Variants in PLEKHG2 observed in about 807,000 individuals in gnomAD.
PLEKHG2 encodes pleckstrin homology domain-containing family G member 2.
A neutral mutation model predicts 104.4 loss-of-function variants in PLEKHG2; 71 were observed. The observed-to-expected ratio is 0.68, with a 90% CI of 0.56 to 0.83. The LOEUF is 0.83. Among genes scored for constraint, PLEKHG2 ranks in the 40% least tolerant of loss-of-function variants. PLEKHG2 has a pLI of 0.00. For synonymous variants in PLEKHG2, 728 were observed against 737.0 expected (o/e 0.99, Z 0.20); for missense variants, 1,730 against 1,809.4 (o/e 0.96, Z 0.80).
intron 11 of PLEKHG2, among the ~76,000 whole-genome samples, chr19:39,420,420 G>A (rs2078680570): frequency 6.6e-6 from 1 of 152,108 alleles, no homozygotes; most frequent in Non-Finnish European, 1.5e-5. Flanking sequence ...AGCTACTCAG[G>A]AGGGTGAGGT....
chr19:39,416,018 AG>A lies in PLEKHG2; in HGVS notation c.480-329del, dbSNP rs1460384340. Among the ~76,000 whole-genome samples the A allele has an allele frequency of 6.6e-6, 1 of 152,080 alleles. No individual in the cohort carries two copies. Among genetic ancestry groups the A allele is most frequent in the Non-Finnish European group, 1.5e-5 (1 of 68,002 alleles). The stretch of plus-strand genomic sequence containing the variant: ...GGGTCCAAGGATCATGACATTTCCA[AG>A]TACCTTGACGAGGTCTCGGGATTAC... On this transcript the variant is annotated intron_variant, in intron 4 of 18. Coordinates refer to ENST00000425673, the MANE Select transcript of PLEKHG2 (RefSeq NM_022835.3). The surrounding 1 kb of genome is among the most constrained non-coding windows in gnomAD (Gnocchi z 4.5).
Position 39,416,812 on chromosome 19 carries a change from G to C in PLEKHG2, c.594-38G>C, listed in dbSNP as rs534173555. 6.4e-7 allele frequency: 1 copy of C among 1,561,462 alleles called. No homozygotes were observed. The highest frequency in any genetic ancestry group is 2.3e-5 in the East Asian group (1 of 44,376). On this transcript the variant is annotated intron_variant, in intron 6 of 18. Coordinates refer to ENST00000425673, the MANE Select transcript of PLEKHG2 (RefSeq NM_022835.3). This position sits in a 1 kb window ranked among gnomAD's most constrained non-coding sequence, Gnocchi z 4.5. ...TAACCCCTCTTGACCCCGCCCACTG[G>C]AACTGACAATCCCCACTGACCTGTG...
chr19:39,422,544 ATT>A (rs372412945), intron 17 of PLEKHG2, among the ~76,000 whole-genome samples, 186 bp from the exon 18 acceptor site: 11 of 140,610 alleles, frequency 7.8e-5, no homozygotes, highest in Non-Finnish European at 6.3e-5. Flanking sequence ...CACCCGGCTA[ATT>A]TTTTTTTTTT....
intron 11 of PLEKHG2, among the ~76,000 whole-genome samples, chr19:39,420,314 G>A (rs932158329): frequency 3.3e-5 from 5 of 151,046 alleles, no homozygotes; most frequent in African/African-American, 4.9e-5. Flanking sequence ...AGCCGAAATC[G>A]CGCCTTTGCA....
At chr19:39,419,879 CAA>C (rs993515390) in intron 11 of PLEKHG2, among the ~76,000 whole-genome samples, 4 of 100,184 alleles carry the variant, frequency 4.0e-5, no homozygotes, top group East Asian at 2.8e-4. Flanking sequence ...GCCTCTGTCT[CAA>C]AAAAAAAAAA....
Position 39,417,885 on chromosome 19 carries a change from A to ACC in PLEKHG2, c.883-19_883-18dup. The ACC allele has an allele frequency of 6.5e-7, 1 of 1,532,040 alleles. No homozygotes were observed. Among genetic ancestry groups the ACC allele is most frequent in the African/African-American group, 1.4e-5 (1 of 72,904 alleles). The allele number at this position is 1,532,040 out of a possible 1,614,324, so 94.9% of individuals were successfully genotyped here. On this transcript the variant is annotated intron_variant, in intron 8 of 18. Transcript: ENST00000425673. ...CATGCTTGTCTCTGCGCCCCGGCGC[A>ACC]CCTGGCGGGGTCCCGGCAGGAAGTG...
rs2078609230 is a variant in PLEKHG2, at chr19:39,416,623, C to T, written c.593+26C>T. ...GTGAGGGGCAGGAGCCCCTGCTGGG[C>T]CTCAGGCTGTGCCCACAAGCTGATG... On this transcript the variant is annotated intron_variant, in intron 6 of 18. Transcript: ENST00000425673. This position sits in a 1 kb window ranked among gnomAD's most constrained non-coding sequence, Gnocchi z 4.5. The T allele has an allele frequency of 1.9e-6, 3 of 1,612,740 alleles. No homozygotes were observed. Among genetic ancestry groups the T allele is most frequent in the African/African-American group, 1.3e-5 (1 of 74,844 alleles).
At chr19:39,420,922 A>G in intron 13 of PLEKHG2, 27 bp from the exon 14 acceptor site, 2 of 1,614,004 alleles carry the variant, frequency 1.2e-6, no homozygotes, top group Non-Finnish European at 1.7e-6. Context: ...CTGGGCTCAC[A>G]CAGGGCTCTG....
chr19:39,415,004 C>T lies in PLEKHG2; in HGVS notation c.122C>T (p.Pro41Leu), dbSNP rs776190040. ...VCETRTAPAA[P>L]TMASPRGSGS... is the part of the protein sequence containing the mutation. ...CACACCCCAGCAGCTCCTGCAGCCC[C>T]CACCATGGCCTCCCCCCGAGGTTCT... is the stretch of plus-strand genomic sequence containing the variant. The change falls in exon 3 of 19, where the codon CCC (proline) becomes CTC (leucine). Residue 41 changes from proline to leucine, a missense_variant. Coordinates refer to ENST00000425673, the MANE Select transcript of PLEKHG2 (RefSeq NM_022835.3). This position sits in a 1 kb window ranked among gnomAD's most constrained non-coding sequence, Gnocchi z 4.6. The T allele has an allele frequency of 1.3e-4, 213 of 1,596,314 alleles. No individual in the cohort carries two copies. The highest frequency in any genetic ancestry group is 1.8e-4 in the Non-Finnish European group (211 of 1,169,554).
intron 2 of PLEKHG2, 24 bp downstream of exon 2, chr19:39,414,219 G>A: frequency 3.9e-6 from 6 of 1,546,346 alleles, no homozygotes; most frequent in South Asian, 1.2e-5. Context: ...CAGGGGCGGC[G>A]GAGCCTGTGG....
At chr19:39,418,887 C>T (rs752465432) in intron 10 of PLEKHG2, 30 bp from the exon 11 acceptor site, 1 of 1,597,308 alleles carries the variant, frequency 6.3e-7, no homozygotes, top group Non-Finnish European at 8.6e-7. Flanking sequence ...TCACACCTGG[C>T]CCCCTGACTC....
rs2078770406 is a variant in PLEKHG2 at position 39,425,411 on chromosome 19, ACTC to A, written c.*120_*122del. 1 of 1,432,970 alleles carries A rather than the reference ACTC, an allele frequency of 7.0e-7. No individual in the cohort carries two copies. Among genetic ancestry groups the A allele is most frequent in the East Asian group, 2.5e-5 (1 of 39,430 alleles). 88.8% of individuals were successfully genotyped at this position (1,432,970 alleles called of 1,614,324 possible). ...GCCTCAAAACTGCTGCGGCCTTCCA[ACTC>A]CTGGTATCTGCATCGGCGAATGGCC... On this transcript the variant is annotated 3_prime_UTR_variant, in exon 19 of 19. Coordinates refer to ENST00000425673, the MANE Select transcript of PLEKHG2 (RefSeq NM_022835.3).
rs1431785953 is a variant in PLEKHG2, at chr19:39,424,539, C to T, written c.3406C>T (p.Pro1136Ser). The change falls in exon 19 of 19, where the codon CCA becomes TCA. Residue 1136 changes from proline (P) to serine (S), a missense_variant. By Grantham distance (74) the Pro-to-Ser change is moderately conservative. Coordinates refer to ENST00000425673, the MANE Select transcript of PLEKHG2 (RefSeq NM_022835.3). ...NAPLSLSQELPDTQVPATTPL... is the reference protein window; with the variant it reads ...NAPLSLSQELSDTQVPATTPL... ...CCCACTGTCTTTGTCCCAGGAGCTC[C>T]CAGACACTCAGGTTCCAGCTACCAC... The T allele has an allele frequency of 6.2e-7, 1 of 1,614,140 alleles. No individual in the cohort carries two copies. The highest frequency in any genetic ancestry group is 1.7e-5 in the Admixed American group (1 of 60,014).
rs2078633714 is a variant in PLEKHG2, at chr19:39,417,910, G to C, written c.888G>C (p.Val296=). The C allele has an allele frequency of 1.9e-6, 3 of 1,540,536 alleles. No individual in the cohort carries two copies. Among genetic ancestry groups the C allele is most frequent in the African/African-American group, 2.7e-5 (2 of 73,076 alleles). ...ACCTGGCGGGGTCCCGGCAGGAAGT[G>C]CAGCGGCGGCTGGGTGGCTGGACCG... ...KQEHAARLQE[V]QRRLGGWTGP... The change falls in exon 9 of 19, where the codon GTG becomes GTC. Residue 296 remains valine, a synonymous_variant. Transcript: ENST00000425673.
rs1403759012 is a variant in PLEKHG2, at chr19:39,424,009, A to T, written c.2876A>T (p.Glu959Val). 11 of 1,613,962 alleles carry T rather than the reference A, an allele frequency of 6.8e-6. No individual in the cohort carries two copies. The highest frequency in any genetic ancestry group is 9.3e-6 in the Non-Finnish European group (11 of 1,179,988). ...GCCGCCACACCTTTGCCCAAGCAAG[A>T]AGGCCCCCTGCACCTCCAGGTGCCG... is the stretch of plus-strand genomic sequence containing the variant. Reference protein sequence around the residue: ...APAATPLPKQEGPLHLQVPAL... With the variant: ...APAATPLPKQVGPLHLQVPAL... Residue 959 changes from glutamate to valine, a missense_variant, in exon 19 of 19, where the codon GAA becomes GTA. By Grantham distance (121) the Glu-to-Val change is moderately radical. Coordinates refer to ENST00000425673, the MANE Select transcript of PLEKHG2 (RefSeq NM_022835.3).
chr19:39,418,816 A>G lies in PLEKHG2; in HGVS notation c.1166A>G (p.His389Arg), dbSNP rs2078651220. 1 of 1,609,148 alleles carries G rather than the reference A, an allele frequency of 6.2e-7. No homozygotes were observed. The change falls in exon 10 of 19, where the codon CAC (histidine) becomes CGC (arginine). Residue 389 changes from histidine (H) to arginine (R), a missense_variant. Transcript: ENST00000425673. ...VSDLTIPKHR[H>R]LLQAKNQEEK... ...GATCTGACCATTCCCAAGCACAGAC[A>G]CCTGCTCCAGGTGAGCATGTAGTGG...
Position 39,425,087 on chromosome 19 carries a change from G to T in PLEKHG2, c.3954G>T (p.Ser1318=). 1 of 1,588,956 alleles carries T rather than the reference G, an allele frequency of 6.3e-7. No individual in the cohort carries two copies. Residue 1318 remains serine (S), a synonymous_variant, in exon 19 of 19, where the codon TCG becomes TCT. Coordinates refer to ENST00000425673, the MANE Select transcript of PLEKHG2 (RefSeq NM_022835.3). ...CTGCTCCCACGTCACGGGCATCTTC[G>T]CCGCCCCCCCAGCCCCAGCCACCAC... ...WSSAPTSRAS[S]PPPQPQPPPP... is the part of the protein sequence containing the mutation.
Position 39,425,426 on chromosome 19 carries a change from A to G in PLEKHG2, c.*132A>G, listed in dbSNP as rs1254015244. 2.2e-6 allele frequency: 3 copies of G among 1,384,944 alleles called. No individual in the cohort carries two copies. Among genetic ancestry groups the G allele is most frequent in the Admixed American group, 3.0e-5 (1 of 33,586 alleles). The allele number at this position is 1,384,944 out of a possible 1,614,324, so 85.8% of individuals were successfully genotyped here. ...CGGCCTTCCAACTCCTGGTATCTGC[A>G]TCGGCGAATGGCCCTTCTTGCCTTG... On this transcript the variant is annotated 3_prime_UTR_variant, in exon 19 of 19. Coordinates refer to ENST00000425673, the MANE Select transcript of PLEKHG2 (RefSeq NM_022835.3).
At chr19:39,417,397 C>T (rs2078623349) in intron 7 of PLEKHG2, among the ~76,000 whole-genome samples, 158 bp from the exon 8 acceptor site, 1 of 150,774 alleles carries the variant, frequency 6.6e-6, no homozygotes, top group East Asian at 2.0e-4. Flanking sequence ...AGGTGATTTG[C>T]CCACCTCAGC....
Sources: gnomAD v4.1 joint callset for allele counts (sites outside exome capture counted in the v4.1 genomes callset) on GRCh38, gnomAD v4.1.1 for gene constraint, Gnocchi (gnomAD v3.1) non-coding constraint, MANE v1.5 for transcripts, NCBI Gene and HGNC (gene_info 2026-07-23, HGNC 2026-07-21) for gene names.